The following PABPC1 variants were observed in gnomAD, a reference collection of about 807,000 sequenced individuals.
PABPC1 encodes poly(A) binding protein cytoplasmic 1.
In PABPC1, 4 loss-of-function variants were observed where a neutral mutation model predicts 74.0. The ratio of observed to expected loss-of-function variants is 0.05; its 90% CI spans 0.03 to 0.12. The LOEUF is 0.12. PABPC1 is among the 10% of genes least tolerant of loss of function. The pLI, the probability that PABPC1 is intolerant of heterozygous loss-of-function variation, is 1.00. For missense variants in PABPC1, 271 were observed against 821.1 expected (o/e 0.33, Z 8.19); for synonymous variants, 227 against 264.1 (o/e 0.86, Z 1.36).
In PABPC1 at chr8:100,717,908, C is replaced by G. The variant is rs758182772; in HGVS notation, c.388-20G>C. The G allele has an allele frequency of 3.9e-6, 6 of 1,538,334 alleles. No individual in the cohort carries two copies. In the East Asian group the frequency reaches 1.3e-4, roughly 35 times the overall value. Reference sequence around the variant, plus strand: ...AACCACCTAGGGAAAAACATATACCCATTTTTCTTTATTTGCTATTGATTT... The same window carrying G: ...AACCACCTAGGGAAAAACATATACCGATTTTTCTTTATTTGCTATTGATTT... On this transcript the variant is annotated intron_variant, in intron 2 of 14. Coordinates refer to ENST00000318607, the MANE Select transcript of PABPC1 (RefSeq NM_002568.4).
intron 1 of PABPC1, 152 bp from the exon 2 acceptor site, chr8:100,718,432 G>T (rs182552913): frequency 1.6e-6 from 1 of 619,156 alleles, no homozygotes; most frequent in Non-Finnish European, 2.8e-6. Context: ...GACCTTTCAA[G>T]TATCACACAC....
chr8:100,720,693 C>T (rs1432885475), intron 1 of PABPC1, among the ~76,000 whole-genome samples: 1 of 152,214 alleles, frequency 6.6e-6, no homozygotes, highest in African/African-American at 2.4e-5. Flanking sequence ...CCCACTCTGC[C>T]CTTTTAATGT....
intron 1 of PABPC1, among the ~76,000 whole-genome samples, chr8:100,719,517 G>C (rs1454672976): frequency 6.6e-6 from 1 of 151,448 alleles, no homozygotes; most frequent in Non-Finnish European, 1.5e-5. Context: ...TTTTAAAAAA[G>C]AACAAGAAAT....
intron 3 of PABPC1, among the ~76,000 whole-genome samples, chr8:100,715,805 A>G (rs1372801359): frequency 6.6e-6 from 1 of 152,182 alleles, no homozygotes; most frequent in African/African-American, 2.4e-5. Context: ...ATCACAAAAA[A>G]AAAACCACTT....
Position 100,721,154 on chromosome 8 carries a change from G to A in PABPC1, c.193+237C>T, listed in dbSNP as rs1386845948. ...CACCCTAAAGTTTGAGAGCGTCTGAGGCCGAGAAAATGGTCGCAAAGGAGG... is the reference window on the plus strand; with the variant it reads ...CACCCTAAAGTTTGAGAGCGTCTGAAGCCGAGAAAATGGTCGCAAAGGAGG... On this transcript the variant is annotated intron_variant, in intron 1 of 14. Coordinates refer to ENST00000318607, the MANE Select transcript of PABPC1 (RefSeq NM_002568.4). This position sits in a 1 kb window ranked among gnomAD's most constrained non-coding sequence, Gnocchi z 7.4. 1.3e-5 allele frequency among the ~76,000 whole-genome samples: 2 copies of A among 152,156 alleles called. No individual in the cohort carries two copies. The highest frequency in any genetic ancestry group is 1.3e-4 in the Admixed American group (2 of 15,280).
chr8:100,712,498 G>A, intron 6 of PABPC1, 41 bp from the exon 7 acceptor site: 1 of 1,489,094 alleles, frequency 6.7e-7, no homozygotes, highest in African/African-American at 1.4e-5. Context: ...AGAAAACCAT[G>A]GTGGTACCTA....
intron 14 of PABPC1, among the ~76,000 whole-genome samples, chr8:100,703,587 TG>T (rs1425784335): frequency 6.6e-6 from 1 of 152,346 alleles, no homozygotes; most frequent in Admixed American, 6.5e-5. Flanking sequence ...ATTTCCTATC[TG>T]GCCCTTTACA....
chr8:100,705,852 ATT>A (rs968036026), intron 11 of PABPC1, among the ~76,000 whole-genome samples, 179 bp from the exon 12 acceptor site: 2 of 152,062 alleles, frequency 1.3e-5, no homozygotes, highest in Non-Finnish European at 1.5e-5. Flanking sequence ...TCACAGATAC[ATT>A]TTTTTTCTTT....
At chr8:100,713,062 T>C in intron 5 of PABPC1, 25 bp downstream of exon 5, 1 of 1,517,600 alleles carries the variant, frequency 6.6e-7, no homozygotes, top group Non-Finnish European at 9.0e-7. Flanking sequence ...TACCCCCTTC[T>C]TCCTGCTGAA....
At chr8:100,718,628 ATC>A (rs781173729) in intron 1 of PABPC1, among the ~76,000 whole-genome samples, 1 of 152,190 alleles carries the variant, frequency 6.6e-6, no homozygotes, top group East Asian at 1.9e-4. Context: ...TTCACATACA[ATC>A]TGTTTAATAA....
intron 7 of PABPC1, among the ~76,000 whole-genome samples, chr8:100,711,053 A>T (rs1810515773): frequency 6.6e-6 from 1 of 152,114 alleles, no homozygotes. Context: ...ACACTTTAGG[A>T]GGTCACCTGA....
At chr8:100,707,992 T>C (rs1350643217) in intron 9 of PABPC1, among the ~76,000 whole-genome samples, 3 of 152,210 alleles carry the variant, frequency 2.0e-5, no homozygotes, top group Admixed American at 1.3e-4. Flanking sequence ...CCTATCTCTG[T>C]ATGGCCTGGT....
Position 100,712,523 on chromosome 8 carries a change from A to C in PABPC1, c.877-66T>G. 3 of 1,459,858 alleles carry C rather than the reference A, an allele frequency of 2.1e-6. No homozygotes were observed. The South Asian group carries it at 3.7e-5, about 18-fold the overall frequency. 90.4% of individuals were successfully genotyped at this position (1,459,858 alleles called of 1,614,324 possible). A position where few individuals can be genotyped will look rare whatever the true frequency, so the allele number is the denominator to read the frequency against. On this transcript the variant is annotated intron_variant, in intron 6 of 14. Transcript: ENST00000318607. ...GGTGGTACCTAAGTACATCGGGTCT[A>C]TTATTTTACCCCATATTTCTTCTCC...
chr8:100,708,386 G>T (rs1405809343), intron 9 of PABPC1, among the ~76,000 whole-genome samples: 2 of 151,970 alleles, frequency 1.3e-5, no homozygotes, highest in African/African-American at 4.8e-5. Context: ...AACCCGGGAG[G>T]TGAAAGCTGC....
chr8:100,718,671 ATC>A (rs779195944), intron 1 of PABPC1, among the ~76,000 whole-genome samples: 15 of 152,250 alleles, frequency 9.9e-5, no homozygotes, highest in Admixed American at 2.0e-4. Flanking sequence ...CAACAGATTT[ATC>A]TACAAGCTGG....
chr8:100,714,046 T>A (rs1176675135), intron 4 of PABPC1, among the ~76,000 whole-genome samples: 1 of 152,182 alleles, frequency 6.6e-6, no homozygotes, highest in Non-Finnish European at 1.5e-5. Context: ...AGGCGGGTGG[T>A]ATCTCAGGCA....
chr8:100,705,327 T>C (rs1810352296), intron 12 of PABPC1, among the ~76,000 whole-genome samples: 1 of 152,262 alleles, frequency 6.6e-6, no homozygotes, highest in African/African-American at 2.4e-5. Context: ...TTTCTTCTCA[T>C]TTGCTTCAAA....
intron 7 of PABPC1, 61 bp from the exon 8 acceptor site, chr8:100,709,792 G>A (rs564680687): frequency 8.5e-5 from 125 of 1,464,814 alleles, no homozygotes; most frequent in East Asian, 1.2e-4. Context: ...AAAAAAGAGC[G>A]TTACAATTTA....
chr8:100,709,928 T>G, intron 7 of PABPC1, 197 bp from the exon 8 acceptor site: 10 of 538,286 alleles, frequency 1.9e-5, no homozygotes, highest in East Asian at 3.1e-5. Context: ...ACATATGCAT[T>G]ACCCTAGCCA....
Sources: gnomAD v4.1 joint callset for allele counts (sites outside exome capture counted in the v4.1 genomes callset) on GRCh38, gnomAD v4.1.1 for gene constraint, Gnocchi (gnomAD v3.1) non-coding constraint, MANE v1.5 for transcripts, NCBI Gene and HGNC (gene_info 2026-07-23, HGNC 2026-07-21) for gene names.